PRR12: variants seen among roughly 807,000 people sequenced by gnomAD.
PRR12 encodes proline-rich protein 12.
Under a neutral mutation model 138.0 loss-of-function variants are expected in PRR12, and 12 were observed. That is an observed-to-expected ratio of 0.09 (90% CI 0.06 to 0.14). The LOEUF is 0.14. Ranked by LOEUF, PRR12 falls within the 10% of genes least tolerant of loss-of-function variation. PRR12 has a pLI of 1.00. For missense variants in PRR12, 2,692 were observed against 2,861.3 expected (o/e 0.94, Z 1.35); for synonymous variants, 1,567 against 1,291.7 (o/e 1.21, Z -4.57).
chr19:49,611,056 G>C (rs1032166896), intron 6 of PRR12, among the ~76,000 whole-genome samples: 50 of 151,498 alleles, frequency 3.3e-4, no homozygotes, highest in African/African-American at 1.2e-3. Flanking sequence ...TGGCCAAGCT[G>C]GTCTTGAACT....
chr19:49,601,299 G>A (rs2080808481), intron 5 of PRR12, among the ~76,000 whole-genome samples, 192 bp from the exon 6 acceptor site: 1 of 151,618 alleles, frequency 6.6e-6, no homozygotes, highest in African/African-American at 2.4e-5. Flanking sequence ...AGGGATAGGA[G>A]ACAGGTCTCC....
intron 11 of PRR12, among the ~76,000 whole-genome samples, chr19:49,622,292 G>T (rs942544526): frequency 2.0e-5 from 3 of 152,070 alleles, no homozygotes; most frequent in Admixed American, 6.6e-5. Context: ...TAGAAAATAC[G>T]CAGGAAGGCC....
chr19:49,596,003 C>T lies in PRR12; in HGVS notation c.1668C>T (p.Gly556=), dbSNP rs372819652. Residue 556 remains glycine (G), a synonymous_variant, in exon 4 of 14, where the codon GGC becomes GGT. Coordinates refer to ENST00000418929, the MANE Select transcript of PRR12 (RefSeq NM_020719.3). This position sits in a 1 kb window ranked among gnomAD's most constrained non-coding sequence, Gnocchi z 5.6. ...GGGGACCCAGCTCCCTGGGAGGCGG[C>T]GGTGAGGCCAGCCCATCTCACATCA... The part of the protein sequence containing the change: ...GGWGPSSLGG[G]GEASPSHIIR... The T allele has an allele frequency of 3.1e-4, 494 of 1,600,834 alleles. No homozygotes were observed. Among genetic ancestry groups the T allele is most frequent in the Non-Finnish European group, 3.8e-4 (453 of 1,179,680 alleles).
intron 6 of PRR12, among the ~76,000 whole-genome samples, chr19:49,609,303 C>G (rs983926716): frequency 1.3e-4 from 19 of 151,728 alleles, no homozygotes; most frequent in Admixed American, 4.6e-4. Context: ...GAGACCGTCT[C>G]AAAAAAGAAA....
Position 49,597,458 on chromosome 19 carries a change from C to CCCGCCTCCG in PRR12, c.3126_3134dup (p.Pro1047_Pro1049dup). ...GCCCCCACCAGGCGGCGCCACCACC[C>CCCGCCTCCG]CCGCCTCCGCCACCGCCGCCTCCCG... is the stretch of plus-strand genomic sequence containing the variant. On this transcript the variant is annotated inframe_insertion, in exon 4 of 14. Transcript: ENST00000418929. The surrounding 1 kb of genome is among the most constrained non-coding windows in gnomAD (Gnocchi z 6.3). 1.9e-6 allele frequency: 3 copies of CCCGCCTCCG among 1,541,362 alleles called. No individual in the cohort carries two copies. Among genetic ancestry groups the CCCGCCTCCG allele is most frequent in the Non-Finnish European group, 1.7e-6 (2 of 1,146,122 alleles).
Position 49,595,222 on chromosome 19 carries a change from C to G in PRR12, c.887C>G (p.Ala296Gly). The change falls in exon 4 of 14, where the codon GCC (alanine) becomes GGC (glycine). Residue 296 changes from alanine (A) to glycine (G), a missense_variant. Physicochemically the swap from Ala to Gly is moderately conservative, Grantham distance 60. This residue lies in a region of PRR12 where 523 missense variants were observed against 496.4 expected (regional missense o/e 1.05). Coordinates refer to ENST00000418929, the MANE Select transcript of PRR12 (RefSeq NM_020719.3). ...DTVIKHYQRP[A>G]SAQPPPPPPP... ...GTCATCAAGCACTACCAGCGGCCAGCCAGTGCCCAGCCCCCACCACCCCCG... is the reference window on the plus strand; with the variant it reads ...GTCATCAAGCACTACCAGCGGCCAGGCAGTGCCCAGCCCCCACCACCCCCG... 6.4e-7 allele frequency: 1 copy of G among 1,561,430 alleles called. No individual in the cohort carries two copies. The highest frequency in any genetic ancestry group is 8.7e-7 in the Non-Finnish European group (1 of 1,155,974).
At chr19:49,603,669 A>G (rs1254840672) in intron 6 of PRR12, among the ~76,000 whole-genome samples, 3 of 151,998 alleles carry the variant, frequency 2.0e-5, no homozygotes, top group African/African-American at 7.3e-5. Flanking sequence ...CTGCACTCCA[A>G]CCTGGGCACC....
In PRR12 at chr19:49,616,755, G is replaced by T. The variant is rs890887952; in HGVS notation, c.5497+536G>T. 5.9e-5 allele frequency among the ~76,000 whole-genome samples: 9 copies of T among 152,116 alleles called. No homozygotes were observed. Among genetic ancestry groups the T allele is most frequent in the African/African-American group, 2.2e-4 (9 of 41,422 alleles). The stretch of plus-strand genomic sequence containing the variant: ...GGTTCATAATAGACGAAGCTCATAG[G>T]AGAGTGCCAATCTTTAGTAGACACT... On this transcript the variant is annotated intron_variant, in intron 9 of 13. Transcript: ENST00000418929. This position sits in a 1 kb window ranked among gnomAD's most constrained non-coding sequence, Gnocchi z 4.2.
intron 11 of PRR12, among the ~76,000 whole-genome samples, chr19:49,623,607 G>A (rs2080936987): frequency 6.6e-6 from 1 of 151,736 alleles, no homozygotes; most frequent in African/African-American, 2.4e-5. Context: ...ACTCCAGCCT[G>A]GGCGACAGAG....
chr19:49,596,514 GAGA>G lies in PRR12; in HGVS notation c.2187_2189del (p.Lys730del), dbSNP rs762286566. The G allele has an allele frequency of 2.4e-5, 38 of 1,609,986 alleles. 1 individual carries two copies. The highest frequency in any genetic ancestry group is 1.6e-4 in the Middle Eastern group (1 of 6,070). On this transcript the variant is annotated inframe_deletion, in exon 4 of 14. Transcript: ENST00000418929. This position sits in a 1 kb window ranked among gnomAD's most constrained non-coding sequence, Gnocchi z 5.6. ...GGAGCTGGGCCTGGGGAGGCTGAAG[GAGA>G]AGAAGAAAGGGCCAGAGCGGGGTGG...
chr19:49,607,365 A>G (rs970756165), intron 6 of PRR12, among the ~76,000 whole-genome samples: 6 of 149,880 alleles, frequency 4.0e-5, no homozygotes, highest in South Asian at 2.2e-4. Flanking sequence ...ACGTGTGCAC[A>G]CACACACACA....
chr19:49,619,988 G>GATTACAGGCGTGT (rs1336613540), intron 9 of PRR12, among the ~76,000 whole-genome samples: 3 of 151,590 alleles, frequency 2.0e-5, no homozygotes, highest in African/African-American at 7.3e-5. Flanking sequence ...GAGTAGCTGG[G>GATTACAGGCGTGT]ATTACAGGCG....
At chr19:49,600,650 C>A (rs1017559681) in intron 5 of PRR12, among the ~76,000 whole-genome samples, 2 of 151,480 alleles carry the variant, frequency 1.3e-5, no homozygotes, top group Admixed American at 1.3e-4. Flanking sequence ...AAGACCCTGT[C>A]TTAAACAAAA....
At chr19:49,621,427 TG>T in intron 10 of PRR12, 97 bp from the exon 11 acceptor site, 1 of 933,992 alleles carries the variant, frequency 1.1e-6, no homozygotes, top group East Asian at 2.7e-5. Flanking sequence ...TGTCTCTGAG[TG>T]GGAAGGGGAT....
chr19:49,619,876 T>C (rs992895878), intron 9 of PRR12, among the ~76,000 whole-genome samples: 1 of 141,210 alleles, frequency 7.1e-6, no homozygotes, highest in Non-Finnish European at 1.5e-5. Flanking sequence ...TTTTTTTTTT[T>C]GGAGACGAGT....
chr19:49,621,673 G>A lies in PRR12; in HGVS notation c.5721+51G>A, dbSNP rs555089760. The A allele has an allele frequency of 2.1e-4, 299 of 1,420,556 alleles. 1 individual carries two copies. In the Middle Eastern group the frequency reaches 3.0e-3, roughly 14 times the overall value. 88.0% of individuals were successfully genotyped at this position (1,420,556 alleles called of 1,614,324 possible). A position where few individuals can be genotyped will look rare whatever the true frequency, so the allele number is the denominator to read the frequency against. On this transcript the variant is annotated intron_variant, in intron 11 of 13. Transcript: ENST00000418929. Reference sequence around the variant, plus strand: ...GTCTGGGGCCCAGGGTCCACATGGAGAAGACATGTACGTGTCGGCCGCTGT... The same window carrying A: ...GTCTGGGGCCCAGGGTCCACATGGAAAAGACATGTACGTGTCGGCCGCTGT...
intron 9 of PRR12, among the ~76,000 whole-genome samples, chr19:49,617,693 C>T (rs1472890930): frequency 6.6e-6 from 1 of 152,132 alleles, no homozygotes; most frequent in Non-Finnish European, 1.5e-5. Context: ...GTGATGGTAC[C>T]TGGTCAGGGC....
chr19:49,607,893 C>T (rs1241195753), intron 6 of PRR12, among the ~76,000 whole-genome samples: 1 of 151,662 alleles, frequency 6.6e-6, no homozygotes, highest in African/African-American at 2.4e-5. Context: ...GGGGTGGGCA[C>T]CTGTAATCCC....
At position 49,596,134 on chromosome 19, in the gene PRR12, T is replaced by C. The variant is rs1252227360; in HGVS notation, c.1799T>C (p.Leu600Pro). ...TCAGTCTTGGCCTCAGCGCCTTTCCTGGCACCTCCGGGAGCTGGCAGCTAT... is the reference window on the plus strand; with the variant it reads ...TCAGTCTTGGCCTCAGCGCCTTTCCCGGCACCTCCGGGAGCTGGCAGCTAT... ...LSSVLASAPF[L>P]APPGAGSYAA... Residue 600 changes from leucine to proline, a missense_variant, in exon 4 of 14, where the codon CTG becomes CCG. Physicochemically the swap from Leu to Pro is moderately conservative, Grantham distance 98. This residue lies in a region of PRR12 where 66 missense variants were observed against 102.4 expected (regional missense o/e 0.64). Coordinates refer to ENST00000418929, the MANE Select transcript of PRR12 (RefSeq NM_020719.3). This position sits in a 1 kb window ranked among gnomAD's most constrained non-coding sequence, Gnocchi z 5.6. 6.2e-7 allele frequency: 1 copy of C among 1,605,290 alleles called. No homozygotes were observed. Among genetic ancestry groups the C allele is most frequent in the African/African-American group, 1.3e-5 (1 of 74,932 alleles).
Sources: allele counts gnomAD v4.1 joint callset (sites outside exome capture counted in the v4.1 genomes callset), GRCh38; gene constraint gnomAD v4.1.1; regional missense constraint gnomAD v4.1.1; non-coding constraint Gnocchi (gnomAD v3.1); transcripts MANE v1.5; gene names NCBI Gene and HGNC (gene_info 2026-07-23, HGNC 2026-07-21).